CNTNAP2: variants seen among roughly 807,000 people sequenced by gnomAD.
The protein encoded by CNTNAP2 is contactin-associated protein-like 2.
CNTNAP2 carries 98 observed loss-of-function variants against 155.2 expected under a neutral mutation model. That is an observed-to-expected ratio of 0.63 (90% CI 0.54 to 0.75). The LOEUF is 0.75. CNTNAP2 is among the 30% of genes least tolerant of loss of function. The pLI, the probability that CNTNAP2 is intolerant of heterozygous loss-of-function variation, is 0.00. For missense variants in CNTNAP2, 1,727 were observed against 1,688.1 expected, an observed-to-expected ratio of 1.02 and a Z score of -0.40; for synonymous variants, 651 against 631.2, an observed-to-expected ratio of 1.03 and a Z score of -0.47.
intron 1 of CNTNAP2, among the ~76,000 whole-genome samples, chr7:146,594,078 C>T (rs969515793): frequency 1.3e-5 from 2 of 152,142 alleles, no homozygotes; most frequent in African/African-American, 4.8e-5. Flanking sequence ...AGAATTCCTC[C>T]TTACTTCTAA....
intron 18 of CNTNAP2, among the ~76,000 whole-genome samples, chr7:148,205,905 G>GCATT (rs1318770995): frequency 6.6e-6 from 1 of 152,004 alleles, no homozygotes; most frequent in Non-Finnish European, 1.5e-5. Flanking sequence ...CATGAATAAG[G>GCATT]CATTCACCTT....
rs556967317 is a variant in CNTNAP2, at chr7:146,953,704, T to C, written c.403-90203T>C. Among the ~76,000 whole-genome samples, 10 of 152,056 alleles carry C rather than the reference T, an allele frequency of 6.6e-5. No homozygotes were observed. In the East Asian group the frequency reaches 1.7e-3, roughly 26 times the overall value. ...GTTGAAAATGGAGATATCACATTCA[T>C]CTTTTTATTCCCCATTTCTAGTAGA... is the stretch of plus-strand genomic sequence containing the variant. On this transcript the variant is annotated intron_variant, in intron 3 of 23. Coordinates refer to ENST00000361727, the MANE Select transcript of CNTNAP2 (RefSeq NM_014141.6).
At chr7:147,504,816 C>G (rs868674920) in intron 11 of CNTNAP2, among the ~76,000 whole-genome samples, 2 of 123,200 alleles carry the variant, frequency 1.6e-5, no homozygotes, top group Non-Finnish European at 3.7e-5. Context: ...AATTTAAAAA[C>G]TATATTCATA....
At chr7:146,191,251 C>T (rs1010679831) in intron 1 of CNTNAP2, among the ~76,000 whole-genome samples, 6 of 151,930 alleles carry the variant, frequency 3.9e-5, no homozygotes, top group Non-Finnish European at 5.9e-5. Context: ...CATCATATGT[C>T]GGCAGGTTCT....
At chr7:147,788,705 T>G (rs918616858) in intron 13 of CNTNAP2, among the ~76,000 whole-genome samples, 2 of 151,944 alleles carry the variant, frequency 1.3e-5, no homozygotes, top group Admixed American at 1.3e-4. Context: ...AGAAACCTCA[T>G]CAGCATCTCG....
intron 13 of CNTNAP2, among the ~76,000 whole-genome samples, chr7:147,824,299 G>T (rs2116625883): frequency 6.6e-6 from 1 of 152,208 alleles, no homozygotes; most frequent in East Asian, 1.9e-4. Context: ...GTAAAGATGG[G>T]GCACATATCT....
chr7:147,923,224 G>A (rs1031340791), intron 14 of CNTNAP2, among the ~76,000 whole-genome samples: 1 of 152,142 alleles, frequency 6.6e-6, no homozygotes, highest in Non-Finnish European at 1.5e-5. Flanking sequence ...TTTTGACATA[G>A]AGTCTTTACA....
chr7:147,137,666 T>A (rs1801511649), intron 8 of CNTNAP2, among the ~76,000 whole-genome samples: 1 of 151,916 alleles, frequency 6.6e-6, no homozygotes, highest in Non-Finnish European at 1.5e-5. Flanking sequence ...TTCAACAGAA[T>A]TTCAATTGCA....
At chr7:146,925,584 A>G (rs1328526549) in intron 3 of CNTNAP2, among the ~76,000 whole-genome samples, 2 of 152,016 alleles carry the variant, frequency 1.3e-5, no homozygotes, top group Non-Finnish European at 2.9e-5. Flanking sequence ...GTGAGGGAGG[A>G]AGATCCAGTA....
intron 1 of CNTNAP2, among the ~76,000 whole-genome samples, chr7:146,424,400 G>C (rs370537794): frequency 3.9e-5 from 6 of 152,154 alleles, no homozygotes; most frequent in East Asian, 3.9e-4. Context: ...TCTTCTACTG[G>C]AGTCAGACGG....
In CNTNAP2 at chr7:147,111,894, C is replaced by A. The variant is rs965764565; in HGVS notation, c.754+3544C>A. On this transcript the variant is annotated intron_variant, in intron 5 of 23. Transcript: ENST00000361727. ...AATTTTTAAATAGTTTTTTTAAATT[C>A]TCTGAAGAATGGTCAATGGTAGTTT... Among the ~76,000 whole-genome samples the A allele has an allele frequency of 2.6e-5, 4 of 152,112 alleles. 1 individual carries two copies. The highest frequency in any genetic ancestry group is 9.6e-5 in the African/African-American group (4 of 41,486).
At chr7:148,132,836 C>T (rs1466802703) in intron 16 of CNTNAP2, among the ~76,000 whole-genome samples, 1 of 152,196 alleles carries the variant, frequency 6.6e-6, no homozygotes, top group Non-Finnish European at 1.5e-5. Context: ...AAAGGGCTCC[C>T]ACGTGGCTTC....
chr7:147,874,225 TCTGTGTG>T (rs1799383322), intron 13 of CNTNAP2, among the ~76,000 whole-genome samples: 3 of 152,212 alleles, frequency 2.0e-5, no homozygotes, highest in African/African-American at 7.2e-5. Flanking sequence ...CAGTGGGAAC[TCTGTGTG>T]GGGGGTTCCA....
chr7:147,516,777 A>C (rs1264000397), intron 11 of CNTNAP2, among the ~76,000 whole-genome samples: 1 of 151,556 alleles, frequency 6.6e-6, no homozygotes, highest in African/African-American at 2.4e-5. Context: ...TATGTCAATC[A>C]TATAGCTAGA....
intron 8 of CNTNAP2, among the ~76,000 whole-genome samples, chr7:147,268,440 G>A (rs1335682221): frequency 2.0e-5 from 3 of 152,036 alleles, no homozygotes; most frequent in Admixed American, 6.6e-5. Context: ...GTGTTCTCAC[G>A]CATAAGTGGG....
chr7:147,463,951 C>G (rs994167663), intron 10 of CNTNAP2, among the ~76,000 whole-genome samples: 3 of 111,330 alleles, frequency 2.7e-5, no homozygotes, highest in Non-Finnish European at 5.1e-5. Flanking sequence ...CTATTTGGCC[C>G]CACTACTAAA....
At chr7:147,280,746 A>G (rs986093466) in intron 8 of CNTNAP2, among the ~76,000 whole-genome samples, 12 of 151,966 alleles carry the variant, frequency 7.9e-5, no homozygotes, top group Non-Finnish European at 8.8e-5. Context: ...GTTCTGATGT[A>G]CTATATTTCT....
chr7:147,635,184 CTATA>C (rs57395379), intron 12 of CNTNAP2, among the ~76,000 whole-genome samples: 7 of 137,150 alleles, frequency 5.1e-5, no homozygotes, highest in African/African-American at 2.2e-4. Flanking sequence ...CACTGGCAAA[CTATA>C]TATATATATA....
rs187608031 is a variant in CNTNAP2, at chr7:148,146,878, G to A, written c.2555-613G>A. Among the ~76,000 whole-genome samples the A allele has an allele frequency of 1.6e-3, 244 of 152,254 alleles. 1 individual carries two copies. Among genetic ancestry groups the A allele is most frequent in the African/African-American group, 5.5e-3 (230 of 41,534 alleles). On this transcript the variant is annotated intron_variant, in intron 16 of 23. Transcript: ENST00000361727. ...TCCCCAACTTTCAAAAGAGTATAAA[G>A]ATCAATGAAATCAAGTTTCATAAAT...
Sources: allele counts gnomAD v4.1 joint callset (sites outside exome capture counted in the v4.1 genomes callset), GRCh38; gene constraint gnomAD v4.1.1; transcripts MANE v1.5; gene names NCBI Gene and HGNC (gene_info 2026-07-23, HGNC 2026-07-21).